The following TTC7B variants were observed in gnomAD, a reference collection of about 807,000 sequenced individuals.
TTC7B encodes the protein tetratricopeptide repeat protein 7B.
A neutral mutation model predicts 106.8 loss-of-function variants in TTC7B; 28 were observed. The ratio of observed to expected loss-of-function variants is 0.26; its 90% CI spans 0.19 to 0.36. TTC7B has a LOEUF of 0.36. TTC7B is among the 10% of genes least tolerant of loss of function. The pLI is 1.00. For missense variants in TTC7B, 862 were observed against 1,076.4 expected (o/e 0.80, Z 2.79); for synonymous variants, 405 against 430.6 (o/e 0.94, Z 0.74).
intron 16 of TTC7B, among the ~76,000 whole-genome samples, chr14:90,616,967 T>C (rs930286731): frequency 1.3e-5 from 2 of 152,194 alleles, no homozygotes; most frequent in Non-Finnish European, 2.9e-5. Flanking sequence ...AATCATTACA[T>C]CCCTTCTCAT....
At chr14:90,629,203 T>C (rs1884581348) in intron 15 of TTC7B, among the ~76,000 whole-genome samples, 2 of 152,218 alleles carry the variant, frequency 1.3e-5, no homozygotes, top group African/African-American at 4.8e-5. Flanking sequence ...TAGGATAAAT[T>C]TGGAGATTCT....
rs547648077 is a variant in TTC7B at position 90,573,518 on chromosome 14, GCTCACGGTCT to G, written c.2310+4578_2310+4587del. On this transcript the variant is annotated intron_variant, in intron 19 of 19. Transcript: ENST00000328459. ...CCTCTCAGCTCACGGTCCCTCTCCGGCTCACGGTCTCTCTCAGCTCACGGTCCCTCTCCGG... is the reference window on the plus strand; with the variant it reads ...CCTCTCAGCTCACGGTCCCTCTCCGGCTCTCAGCTCACGGTCCCTCTCCGG... 1.2e-3 allele frequency among the ~76,000 whole-genome samples: 140 copies of G among 119,026 alleles called. 3 individuals carry two copies. The highest frequency in any genetic ancestry group is 4.6e-3 in the African/African-American group (131 of 28,376). The allele number at this position is 119,026 out of a possible 152,430, so 78.1% of individuals were successfully genotyped here. A position where few individuals can be genotyped will look rare whatever the true frequency, so the allele number is the denominator to read the frequency against.
At chr14:90,731,710 A>T (rs997143720) in intron 4 of TTC7B, among the ~76,000 whole-genome samples, 5 of 152,060 alleles carry the variant, frequency 3.3e-5, no homozygotes, top group African/African-American at 1.2e-4. Flanking sequence ...AGTGCCAGAG[A>T]TGCACGCGGC....
chr14:90,542,984 C>A (rs372285896), intron 19 of TTC7B, among the ~76,000 whole-genome samples: 125 of 152,334 alleles, frequency 8.2e-4, no homozygotes, highest in Non-Finnish European at 1.5e-3. Flanking sequence ...TGGTCACCTA[C>A]CCCCTTCTAT....
At position 90,663,391 on chromosome 14, in the gene TTC7B, TAAAAGGCCCCTA is replaced by T. The variant is rs1886283039; in HGVS notation, c.1153-5016_1153-5005del. ...CTGCAGAAAGCAAAGGACAACTAAA[TAAAAGGCCCCTA>T]AAAAGGCCACATGCTTCTTGAACTG... On this transcript the variant is annotated intron_variant, in intron 9 of 19. Transcript: ENST00000328459. This position sits in a 1 kb window ranked among gnomAD's most constrained non-coding sequence, Gnocchi z 4.5. Among the ~76,000 whole-genome samples the T allele has an allele frequency of 6.6e-6, 1 of 151,998 alleles. No individual in the cohort carries two copies. The highest frequency in any genetic ancestry group is 2.4e-5 in the African/African-American group (1 of 41,376).
At position 90,540,272 on chromosome 14, in the gene TTC7B, A is replaced by G. The variant is rs1414831884; in HGVS notation, c.*1096T>C. On this transcript the variant is annotated 3_prime_UTR_variant, in exon 20 of 20. Coordinates refer to ENST00000328459, the MANE Select transcript of TTC7B (RefSeq NM_001010854.2). ...GATCCCGTCTCTACAAAAACAAACA[A>G]ACAAAATTAGCCGGGCATGCTAGTG... The G allele has an allele frequency of 1.3e-5, 2 of 152,266 alleles. No individual in the cohort carries two copies. Among genetic ancestry groups the G allele is most frequent in the African/African-American group, 4.8e-5 (2 of 41,518 alleles). 9.4% of individuals were successfully genotyped at this position (152,266 alleles called of 1,614,324 possible). A position where few individuals can be genotyped will look rare whatever the true frequency, so the allele number is the denominator to read the frequency against.
At chr14:90,604,967 AG>A (rs1268446386) in intron 17 of TTC7B, among the ~76,000 whole-genome samples, 1 of 152,238 alleles carries the variant, frequency 6.6e-6, no homozygotes, top group Non-Finnish European at 1.5e-5. Context: ...AACAGTTTAC[AG>A]CACTGTTTCT....
intron 15 of TTC7B, among the ~76,000 whole-genome samples, chr14:90,641,517 G>T (rs2139877233): frequency 6.6e-6 from 1 of 152,314 alleles, no homozygotes; most frequent in African/African-American, 2.4e-5. Context: ...TTTTAGCCAG[G>T]TTGGGAAGAA....
intron 17 of TTC7B, among the ~76,000 whole-genome samples, chr14:90,601,269 C>T (rs1019971435): frequency 6.6e-6 from 1 of 152,244 alleles, no homozygotes; most frequent in East Asian, 1.9e-4. Flanking sequence ...TCTTTTAAAG[C>T]TACTTTATTC....
intron 5 of TTC7B, among the ~76,000 whole-genome samples, chr14:90,720,766 A>C (rs566195291): frequency 6.6e-6 from 1 of 152,378 alleles, no homozygotes; most frequent in South Asian, 2.1e-4. Flanking sequence ...TGAAAAGCTA[A>C]GGTAAGAAAA....
intron 18 of TTC7B, among the ~76,000 whole-genome samples, chr14:90,579,613 C>T (rs1891404979): frequency 6.6e-6 from 1 of 152,172 alleles, no homozygotes; most frequent in Admixed American, 6.5e-5. Context: ...GCCTGGCCAA[C>T]ATGGGGAAAC....
chr14:90,735,722 A>G (rs1319517751), intron 4 of TTC7B, among the ~76,000 whole-genome samples: 5 of 151,672 alleles, frequency 3.3e-5, no homozygotes, highest in Admixed American at 3.3e-4. Flanking sequence ...TTTTTAAAAA[A>G]CCTACTAAAG....
In TTC7B at chr14:90,577,301, G is replaced by A. The variant is rs377735243; in HGVS notation, c.2310+805C>T. ...CTTGTGAGTTTCAATTCAGACCCTC[G>A]CAGGAAGATGACAGAGGACTGCCGA... is the stretch of plus-strand genomic sequence containing the variant. On this transcript the variant is annotated intron_variant, in intron 19 of 19. Coordinates refer to ENST00000328459, the MANE Select transcript of TTC7B (RefSeq NM_001010854.2). The surrounding 1 kb of genome is among the most constrained non-coding windows in gnomAD (Gnocchi z 5.0). 1.3e-5 allele frequency among the ~76,000 whole-genome samples: 2 copies of A among 152,282 alleles called. No individual in the cohort carries two copies. Among genetic ancestry groups the A allele is most frequent in the East Asian group, 1.9e-4 (1 of 5,178 alleles).
Position 90,578,370 on chromosome 14 carries a change from C to T in TTC7B, c.2108-62G>A. ...GCCCCTCTGAGGCCCTGCGAGCAGC[C>T]ACCACTCTGATGTTCGTGTTCCCTG... is the stretch of plus-strand genomic sequence containing the variant. On this transcript the variant is annotated intron_variant, in intron 18 of 19. Coordinates refer to ENST00000328459, the MANE Select transcript of TTC7B (RefSeq NM_001010854.2). The surrounding 1 kb of genome is among the most constrained non-coding windows in gnomAD (Gnocchi z 4.7). 3 of 1,533,642 alleles carry T rather than the reference C, an allele frequency of 2.0e-6. No homozygotes were observed. Among genetic ancestry groups the T allele is most frequent in the Non-Finnish European group, 2.7e-6 (3 of 1,122,834 alleles).
At chr14:90,644,251 G>T in intron 14 of TTC7B, 43 bp from the exon 15 acceptor site, 1 of 1,396,964 alleles carries the variant, frequency 7.2e-7, no homozygotes, top group Non-Finnish European at 9.5e-7. Flanking sequence ...ATACACACAT[G>T]CACACGCACA....
chr14:90,813,867 C>T (rs760950223), intron 1 of TTC7B, among the ~76,000 whole-genome samples: 1 of 152,160 alleles, frequency 6.6e-6, no homozygotes, highest in African/African-American at 2.4e-5. Context: ...AGGAAGAAGT[C>T]CCTCTACCAG....
chr14:90,664,419 GC>G (rs1051110539), intron 9 of TTC7B, among the ~76,000 whole-genome samples: 1 of 151,848 alleles, frequency 6.6e-6, no homozygotes, highest in African/African-American at 2.4e-5. Flanking sequence ...ACAGGTGCCC[GC>G]CACCAGGCCC....
At chr14:90,542,092 A>G (rs749666447) in intron 19 of TTC7B, among the ~76,000 whole-genome samples, 21 of 152,202 alleles carry the variant, frequency 1.4e-4, no homozygotes, top group East Asian at 3.9e-4. Context: ...GGCGCCCGCC[A>G]CCACGCCCGG....
intron 3 of TTC7B, among the ~76,000 whole-genome samples, chr14:90,770,638 AG>A (rs906201769): frequency 7.3e-5 from 11 of 151,152 alleles, no homozygotes; most frequent in Non-Finnish European, 1.5e-4. Flanking sequence ...GGGCAACAAG[AG>A]TGAAACTCCA....
Sources: allele counts gnomAD v4.1 joint callset (sites outside exome capture counted in the v4.1 genomes callset), GRCh38; gene constraint gnomAD v4.1.1; non-coding constraint Gnocchi (gnomAD v3.1); transcripts MANE v1.5; gene names NCBI Gene and HGNC (gene_info 2026-07-23, HGNC 2026-07-21).